Variants in KIRREL3 observed in about 807,000 individuals in gnomAD.
The protein encoded by KIRREL3 is kirre like nephrin family adhesion molecule 3.
Under a neutral mutation model 89.7 loss-of-function variants are expected in KIRREL3, and 36 were observed. That is an observed-to-expected ratio of 0.40 (90% CI 0.31 to 0.53). The LOEUF is 0.53. Among genes scored for constraint, KIRREL3 ranks in the 20% least tolerant of loss-of-function variants. The pLI, the probability that KIRREL3 is intolerant of heterozygous loss-of-function variation, is 0.49. For missense variants in KIRREL3, 864 were observed against 1,056.6 expected (o/e 0.82, Z 2.53); for synonymous variants, 445 against 441.4 (o/e 1.01, Z -0.10).
Position 126,459,145 on chromosome 11 carries a change from A to C in KIRREL3, c.743-2691T>G, listed in dbSNP as rs974249338. ...CGCTGGGACGTGAGTACCCACCCCA[A>C]GTCTGGTTTGAGGAGGTGAGTGCCA... On this transcript the variant is annotated intron_variant, in intron 6 of 16. Transcript: ENST00000525144. The surrounding 1 kb of genome is among the most constrained non-coding windows in gnomAD (Gnocchi z 4.8). Among the ~76,000 whole-genome samples, 2 of 152,004 alleles carry C rather than the reference A, an allele frequency of 1.3e-5. No individual in the cohort carries two copies. The highest frequency in any genetic ancestry group is 2.9e-5 in the Non-Finnish European group (2 of 67,996).
intron 7 of KIRREL3, among the ~76,000 whole-genome samples, chr11:126,450,831 A>G (rs1479428914): frequency 3.8e-5 from 5 of 130,644 alleles, no homozygotes; most frequent in Non-Finnish European, 6.4e-5. Flanking sequence ...ATATGTGTGT[A>G]TGCGTGTATA....
At chr11:126,893,136 T>C (rs1387104655) in intron 1 of KIRREL3, among the ~76,000 whole-genome samples, 11 of 152,204 alleles carry the variant, frequency 7.2e-5, no homozygotes, top group Non-Finnish European at 1.5e-4. Context: ...AATAAATGCA[T>C]GGACTGCCCA....
rs934499167 is a variant in KIRREL3 at position 126,990,514 on chromosome 11, C to G, written c.55+9941G>C. 6.6e-6 allele frequency among the ~76,000 whole-genome samples: 1 copy of G among 152,164 alleles called. No individual in the cohort carries two copies. Among genetic ancestry groups the G allele is most frequent in the Non-Finnish European group, 1.5e-5 (1 of 68,036 alleles). ...TAAGGGACCTCCCGGGCTCTGCTCT[C>G]TCTGGGCAGGTTCAGGGCTTTGCAA... is the stretch of plus-strand genomic sequence containing the variant. On this transcript the variant is annotated intron_variant, in intron 1 of 16. Transcript: ENST00000525144. This position sits in a 1 kb window ranked among gnomAD's most constrained non-coding sequence, Gnocchi z 6.3.
Position 126,578,132 on chromosome 11 carries a change from G to GC in KIRREL3, c.56-15221dup, listed in dbSNP as rs1158529354. Reference sequence around the variant, plus strand: ...ATTAGTCCCAAATTTGCACTGTGAGGCAACACAGAATGAGACTAATCCCTC... The same window carrying GC: ...ATTAGTCCCAAATTTGCACTGTGAGGCCAACACAGAATGAGACTAATCCCTC... On this transcript the variant is annotated intron_variant, in intron 1 of 16. Coordinates refer to ENST00000525144, the MANE Select transcript of KIRREL3 (RefSeq NM_032531.4). This position sits in a 1 kb window ranked among gnomAD's most constrained non-coding sequence, Gnocchi z 4.9. Among the ~76,000 whole-genome samples the GC allele has an allele frequency of 6.6e-6, 1 of 152,278 alleles. No homozygotes were observed. The highest frequency in any genetic ancestry group is 2.4e-5 in the African/African-American group (1 of 41,546).
intron 1 of KIRREL3, among the ~76,000 whole-genome samples, chr11:126,745,059 G>A (rs549822572): frequency 6.6e-6 from 1 of 152,258 alleles, no homozygotes; most frequent in East Asian, 1.9e-4. Context: ...TCACCACTGG[G>A]CACCTCCTTC....
chr11:126,592,016 C>T (rs977675069), intron 1 of KIRREL3, among the ~76,000 whole-genome samples: 1 of 152,126 alleles, frequency 6.6e-6, no homozygotes, highest in Non-Finnish European at 1.5e-5. Flanking sequence ...GGCTGGGGGT[C>T]GCTTGCCTTT....
intron 4 of KIRREL3, among the ~76,000 whole-genome samples, chr11:126,500,492 C>A (rs1031022513): frequency 5.3e-5 from 8 of 152,182 alleles, no homozygotes; most frequent in Admixed American, 5.2e-4. Context: ...GTAATCCCAG[C>A]ACTTCGGGAG....
At chr11:126,926,049 C>T (rs117329705) in intron 1 of KIRREL3, among the ~76,000 whole-genome samples, 3,133 of 152,316 alleles carry the variant, frequency 0.021, 51 homozygotes, top group Middle Eastern at 0.058. Context: ...ATGACTCTAA[C>T]CACCACGCCC....
Position 126,579,413 on chromosome 11 carries a change from T to A in KIRREL3, c.56-16501A>T, listed in dbSNP as rs1020869875. On this transcript the variant is annotated intron_variant, in intron 1 of 16. Coordinates refer to ENST00000525144, the MANE Select transcript of KIRREL3 (RefSeq NM_032531.4). This position sits in a 1 kb window ranked among gnomAD's most constrained non-coding sequence, Gnocchi z 5.3. ...TGCTTGTTGTCTGAGCTTTTAGCCC[T>A]CTGATTTACTTATTAGATTTCTACT... Among the ~76,000 whole-genome samples, 1 of 152,156 alleles carries A rather than the reference T, an allele frequency of 6.6e-6. No individual in the cohort carries two copies. The highest frequency in any genetic ancestry group is 1.5e-5 in the Non-Finnish European group (1 of 68,026).
chr11:126,574,653 G>A lies in KIRREL3; in HGVS notation c.56-11741C>T, dbSNP rs1034001830. On this transcript the variant is annotated intron_variant, in intron 1 of 16. Coordinates refer to ENST00000525144, the MANE Select transcript of KIRREL3 (RefSeq NM_032531.4). This position sits in a 1 kb window ranked among gnomAD's most constrained non-coding sequence, Gnocchi z 5.3. ...TAGCAGCCCCACCAGAGCAAAGGACGAGGGTGGCTGGGATAGTGTGTGCTT... is the reference window on the plus strand; with the variant it reads ...TAGCAGCCCCACCAGAGCAAAGGACAAGGGTGGCTGGGATAGTGTGTGCTT... Among the ~76,000 whole-genome samples, 2 of 152,180 alleles carry A rather than the reference G, an allele frequency of 1.3e-5. No individual in the cohort carries two copies. Among genetic ancestry groups the A allele is most frequent in the Non-Finnish European group, 2.9e-5 (2 of 68,036 alleles).
chr11:126,827,238 C>T (rs956814243), intron 1 of KIRREL3, among the ~76,000 whole-genome samples: 6 of 151,848 alleles, frequency 4.0e-5, no homozygotes, highest in Admixed American at 6.6e-5. Flanking sequence ...AGTGCAGTGG[C>T]ACGATCTTGG....
chr11:126,881,686 T>A (rs1945503909), intron 1 of KIRREL3, among the ~76,000 whole-genome samples: 1 of 152,142 alleles, frequency 6.6e-6, no homozygotes, highest in Admixed American at 6.5e-5. Flanking sequence ...TAGCTGTGAT[T>A]ACAGGTACCC....
chr11:126,565,929 C>T lies in KIRREL3; in HGVS notation c.56-3017G>A, dbSNP rs983029531. Among the ~76,000 whole-genome samples the T allele has an allele frequency of 1.3e-5, 2 of 152,102 alleles. No individual in the cohort carries two copies. Among genetic ancestry groups the T allele is most frequent in the African/African-American group, 4.8e-5 (2 of 41,414 alleles). ...AGATGATAGAACATGACAGAAAGAACAGGAATCTCTCTCTTTGTGAGGTAG... is the reference window on the plus strand; with the variant it reads ...AGATGATAGAACATGACAGAAAGAATAGGAATCTCTCTCTTTGTGAGGTAG... On this transcript the variant is annotated intron_variant, in intron 1 of 16. Transcript: ENST00000525144. This position sits in a 1 kb window ranked among gnomAD's most constrained non-coding sequence, Gnocchi z 5.4.
chr11:126,971,702 A>G (rs975262955), intron 1 of KIRREL3, among the ~76,000 whole-genome samples: 7 of 152,162 alleles, frequency 4.6e-5, no homozygotes, highest in Non-Finnish European at 8.8e-5. Flanking sequence ...ATCGTCTGTA[A>G]CCCAAATTAG....
chr11:126,762,809 A>G (rs1245227249), intron 1 of KIRREL3, among the ~76,000 whole-genome samples: 1 of 152,196 alleles, frequency 6.6e-6, no homozygotes, highest in East Asian at 1.9e-4. Flanking sequence ...CTCATGTCAC[A>G]GTCTCTTTCG....
At chr11:126,546,071 A>G (rs907741559) in intron 2 of KIRREL3, among the ~76,000 whole-genome samples, 2 of 152,212 alleles carry the variant, frequency 1.3e-5, no homozygotes, top group African/African-American at 4.8e-5. Context: ...GATGTGTGTA[A>G]AGTAATGACT....
Position 126,889,636 on chromosome 11 carries a change from A to G in KIRREL3, c.55+110819T>C, listed in dbSNP as rs532081088. On this transcript the variant is annotated intron_variant, in intron 1 of 16. Transcript: ENST00000525144. ...TATTACAGGCCACATCAGGGCTTCT[A>G]TGCACAGCTTCGGGAAGAATCAGTT... Among the ~76,000 whole-genome samples, 11 of 152,370 alleles carry G rather than the reference A, an allele frequency of 7.2e-5. No individual in the cohort carries two copies. The South Asian group carries it at 2.1e-3, about 29-fold the overall frequency.
At chr11:126,859,026 C>A (rs1592235727) in intron 1 of KIRREL3, among the ~76,000 whole-genome samples, 1 of 152,178 alleles carries the variant, frequency 6.6e-6, no homozygotes, top group Admixed American at 6.5e-5. Flanking sequence ...TGGTTTCCCA[C>A]AAATTGACTT....
intron 1 of KIRREL3, among the ~76,000 whole-genome samples, chr11:126,887,036 C>T (rs1945722447): frequency 6.6e-6 from 1 of 152,152 alleles, no homozygotes; most frequent in African/African-American, 2.4e-5. Flanking sequence ...CTCAGTCTCC[C>T]TATCTCATAT....
Sources: gnomAD v4.1 joint callset for allele counts (sites outside exome capture counted in the v4.1 genomes callset) on GRCh38, gnomAD v4.1.1 for gene constraint, Gnocchi (gnomAD v3.1) non-coding constraint, MANE v1.5 for transcripts, NCBI Gene and HGNC (gene_info 2026-07-23, HGNC 2026-07-21) for gene names.